ERI2: variants seen among roughly 807,000 people sequenced by gnomAD.
The protein encoded by ERI2 is ERI1 exoribonuclease family member 2, also known as ERI1 exoribonuclease 2.
ERI2 carries 35 observed loss-of-function variants against 46.8 expected under a neutral mutation model. That is an observed-to-expected ratio of 0.75 (90% CI 0.57 to 0.99). The LOEUF (loss-of-function observed/expected upper bound fraction) is 0.99. Ranked by LOEUF, ERI2 falls within the 50% of genes least tolerant of loss-of-function variation. The pLI, the probability that ERI2 is intolerant of heterozygous loss-of-function variation, is 0.00. For missense variants in ERI2, 695 were observed against 796.2 expected (o/e 0.87, Z 1.53); for synonymous variants, 224 against 271.0 (o/e 0.83, Z 1.70).
At chr16:20,792,680 G>C (rs992661860), downstream of ERI2, 3 of 985,318 alleles carry the variant, frequency 3.0e-6, no homozygotes, top group Non-Finnish European at 3.6e-6. Context: ...TTGTTACCCA[G>C]AAGGTCTGGA....
Position 20,790,880 on chromosome 16 carries a change from T to TC in ERI2, c.784dup (p.Asp262GlyfsTer26). 1 of 1,613,970 alleles carries TC rather than the reference T, an allele frequency of 6.2e-7. No homozygotes were observed. The highest frequency in any genetic ancestry group is 8.5e-7 in the Non-Finnish European group (1 of 1,179,942). On this transcript the variant is annotated frameshift_variant, in exon 9 of 11. Coordinates refer to the ERI2 transcript ENST00000300005. LOFTEE classifies it high-confidence loss of function. The surrounding 1 kb of genome is among the most constrained non-coding windows in gnomAD (Gnocchi z 4.0). ...TTCTTGCTGAAGAAAAGCATGCTGG[T>TC]CCCCTGAGGCCAGATCACTGTTCCA...
chr16:20,793,730 A>G (rs1029366639), downstream of ERI2, among the ~76,000 whole-genome samples: 1 of 152,220 alleles, frequency 6.6e-6, no homozygotes, highest in Non-Finnish European at 1.5e-5. Context: ...GGGCAGGGAA[A>G]ACAGTCAGTG....
intron 3 of ERI2, 21 bp from the exon 4 acceptor site, chr16:20,802,944 T>C (rs1381314552): frequency 1.3e-6 from 2 of 1,553,648 alleles, no homozygotes; most frequent in African/African-American, 1.4e-5. Context: ...GAATAATCAA[T>C]TGACAGTTGA....
In ERI2 at chr16:20,799,926, A is replaced by G. The variant is rs114090292; in HGVS notation, c.643+31T>C. ...ATATGAAGTATTTTTTAAAAGTCAA[A>G]TGGCTTACATAATTTTTAATGTATA... On this transcript the variant is annotated intron_variant, in intron 7 of 8. Coordinates refer to ENST00000357967, the MANE Select transcript of ERI2 (RefSeq NM_001142725.2). 1,823 of 1,334,548 alleles carry G rather than the reference A, an allele frequency of 1.4e-3. 30 individuals carry two copies. In the African/African-American group the frequency reaches 0.023, roughly 17 times the overall value. The allele number at this position is 1,334,548 out of a possible 1,614,324, so 82.7% of individuals were successfully genotyped here.
rs1289890431 is a variant in ERI2, at chr16:20,803,427, A to T, written c.175+6T>A. On this transcript the variant is annotated splice_donor_region_variant and intron_variant, in intron 3 of 8. Coordinates refer to ENST00000357967, the MANE Select transcript of ERI2 (RefSeq NM_001142725.2). ...CCAGCTTTGGCCATTCGTAGCCCAGACTTACTTATTTCCTGGCTATGGTGG... is the reference window on the plus strand; with the variant it reads ...CCAGCTTTGGCCATTCGTAGCCCAGTCTTACTTATTTCCTGGCTATGGTGG... 1.2e-6 allele frequency: 2 copies of T among 1,613,070 alleles called. No individual in the cohort carries two copies. The highest frequency in any genetic ancestry group is 1.6e-4 in the Middle Eastern group (1 of 6,062).
At chr16:20,800,236 T>C in intron 6 of ERI2, 66 bp downstream of exon 6, 1 of 1,121,286 alleles carries the variant, frequency 8.9e-7, no homozygotes, top group African/African-American at 1.5e-5. Flanking sequence ...CATGCCCATG[T>C]GTAGGATAAA....
In ERI2 at chr16:20,799,182, A is replaced by T. The variant is rs976065527; in HGVS notation, c.732+81T>A. 9.6e-6 allele frequency: 15 copies of T among 1,555,758 alleles called. No individual in the cohort carries two copies. In the African/African-American group the frequency reaches 1.8e-4, roughly 19 times the overall value. On this transcript the variant is annotated intron_variant, in intron 8 of 8. Transcript: ENST00000357967. Reference sequence around the variant, plus strand: ...GTCATTGATTTATAAATGACTGCACACATTAAATCTACGTTTCAAAGAACG... The same window carrying T: ...GTCATTGATTTATAAATGACTGCACTCATTAAATCTACGTTTCAAAGAACG...
At chr16:20,805,860 T>C in intron 1 of ERI2, 1 of 605,922 alleles carries the variant, frequency 1.7e-6, no homozygotes, top group Non-Finnish European at 2.1e-6. Flanking sequence ...GACACAGCAG[T>C]AGGGTGGACG....
intron 10 of ERI2, chr16:20,783,166 T>A (rs2080391382): frequency 6.6e-6 from 1 of 152,158 alleles, no homozygotes; most frequent in South Asian, 2.1e-4. Flanking sequence ...CAAAAGACAA[T>A]TCTATTACCC....
Position 20,798,131 on chromosome 16 carries a change from G to A in ERI2, c.1669C>T (p.Pro557Ser), listed in dbSNP as rs996307938. 1 of 1,551,420 alleles carries A rather than the reference G, an allele frequency of 6.4e-7. No homozygotes were observed. Among genetic ancestry groups the A allele is most frequent in the African/African-American group, 1.4e-5 (1 of 73,026 alleles). The change falls in exon 9 of 9, where the codon CCT (proline) becomes TCT (serine). Residue 557 changes from proline (P) to serine (S), a missense_variant. Physicochemically the swap from Pro to Ser is moderately conservative, Grantham distance 74. Coordinates refer to ENST00000357967, the MANE Select transcript of ERI2 (RefSeq NM_001142725.2). ...ACTGGGGAGCAATCAGATGATGTAG[G>A]CTTTTCTTCATGAATAGTGAAGGGT... ...KQPFTIHEEK[P>S]TSSDCSPVRS...
chr16:20,792,030 T>C (rs2152486949), downstream of ERI2: 1 of 1,614,104 alleles, frequency 6.2e-7, no homozygotes, highest in East Asian at 2.2e-5. Flanking sequence ...GCTTCAACTC[T>C]ACGAGGCAAT....
chr16:20,796,047 G>C (rs1364621655), downstream of ERI2: 1 of 216,842 alleles, frequency 4.6e-6, no homozygotes, highest in African/African-American at 2.3e-5. Context: ...TCACAGCCTT[G>C]TATAAAGACT....
At position 20,798,504 on chromosome 16, in the gene ERI2, T is replaced by A; in HGVS notation, c.1296A>T (p.Ser432=). The A allele has an allele frequency of 6.4e-7, 1 of 1,551,610 alleles. No individual in the cohort carries two copies. Among genetic ancestry groups the A allele is most frequent in the Non-Finnish European group, 8.7e-7 (1 of 1,146,872 alleles). Residue 432 remains serine, a synonymous_variant, in exon 9 of 9, where the codon TCA becomes TCT. Coordinates refer to ENST00000357967, the MANE Select transcript of ERI2 (RefSeq NM_001142725.2). ...CAGAATTAAATGAAATCTCTAAGTC[T>A]GAGTCACTAATGGGAACTGTACAGT... ...NVDCTVPISD[S]DLEISFNSGE...
Position 20,803,482 on chromosome 16 carries a change from A to G in ERI2, c.126T>C (p.Phe42=). The G allele has an allele frequency of 6.2e-7, 1 of 1,614,066 alleles. No homozygotes were observed. Among genetic ancestry groups the G allele is most frequent in the Non-Finnish European group, 8.5e-7 (1 of 1,179,912 alleles). ...QLFDYLIVID[F]ESTCWNDGKH... The stretch of plus-strand genomic sequence containing the variant: ...TCCCATCATTCCAGCATGTCGATTC[A>G]AAATCAATGACAATTAAGTAGTCAA... Residue 42 remains phenylalanine, a synonymous_variant, in exon 3 of 9, where the codon TTT becomes TTC. Transcript: ENST00000357967.
chr16:20,805,166 C>T (rs2080844561), intron 1 of ERI2, among the ~76,000 whole-genome samples: 1 of 152,148 alleles, frequency 6.6e-6, no homozygotes, highest in Non-Finnish European at 1.5e-5. Flanking sequence ...TGGCTCACAC[C>T]TGTAACCCCA....
At chr16:20,789,708 T>TG (rs1241362635) in intron 9 of ERI2, 3 of 592,178 alleles carry the variant, frequency 5.1e-6, no homozygotes, top group South Asian at 2.1e-5. Context: ...TTTTTTGAGA[T>TG]GGAGTTTCAC....
chr16:20,798,409 G>T lies in ERI2; in HGVS notation c.1391C>A (p.Thr464Asn), dbSNP rs1203739053. Residue 464 changes from threonine to asparagine, a missense_variant, in exon 9 of 9, where the codon ACT becomes AAT. By Grantham distance (65) the Thr-to-Asn change is moderately conservative (BLOSUM62 0). Coordinates refer to ENST00000357967, the MANE Select transcript of ERI2 (RefSeq NM_001142725.2). ...SHENFGDIEETPQKSETSKSI... is the reference protein window; with the variant it reads ...SHENFGDIEENPQKSETSKSI... ...CTTAGAAGTCTCAGATTTTTGAGGA[G>T]TTTCCTCTATGTCTCCAAAGTTTTC... The T allele has an allele frequency of 6.5e-7, 1 of 1,550,288 alleles. No homozygotes were observed. The highest frequency in any genetic ancestry group is 8.7e-7 in the Non-Finnish European group (1 of 1,146,708).
chr16:20,802,997 A>G (rs2080812413), intron 3 of ERI2, 74 bp from the exon 4 acceptor site: 1 of 1,397,162 alleles, frequency 7.2e-7, no homozygotes, highest in African/African-American at 1.4e-5. Flanking sequence ...CCTAAATTAA[A>G]CATGTTACCA....
At chr16:20,780,541 G>T in exon 11 of ERI2, 1 of 1,340,232 alleles carries the variant, frequency 7.5e-7, no homozygotes, top group Non-Finnish European at 1.0e-6. Context: ...ATTCTAGAAA[G>T]CACCTAAAAG....
Sources: gnomAD v4.1 joint callset for allele counts (sites outside exome capture counted in the v4.1 genomes callset) on GRCh38, gnomAD v4.1.1 for gene constraint, Gnocchi (gnomAD v3.1) non-coding constraint, MANE v1.5 for transcripts, NCBI Gene and HGNC (gene_info 2026-07-23, HGNC 2026-07-21) for gene names.